ADCY4: variants seen among roughly 807,000 people sequenced by gnomAD.
The protein encoded by ADCY4 is adenylate cyclase type 4.
In ADCY4, 111 loss-of-function variants were observed where a neutral mutation model predicts 125.5. The observed-to-expected ratio is 0.88, with a 90% CI of 0.76 to 1.04. ADCY4 has a LOEUF of 1.04. Among genes scored for constraint, ADCY4 ranks in the 50% least tolerant of loss-of-function variants. The pLI is 0.00. For missense variants in ADCY4, 1,256 were observed against 1,382.9 expected (o/e 0.91, Z 1.46); for synonymous variants, 576 against 586.9 (o/e 0.98, Z 0.27).
intron 4 of ADCY4, chr14:24,331,572 C>A: frequency 1.1e-6 from 1 of 882,468 alleles, no homozygotes; most frequent in Non-Finnish European, 1.7e-6. Context: ...AATGGGAGTT[C>A]ACTTAATATC....
rs375351449 is a variant in ADCY4 at position 24,334,530 on chromosome 14, G to A, written c.123C>T (p.Leu41=). ...LLLLGIVLCA[L]AALLAVAWAS... ...CCCAGGCCACTGCGAGCAGCGCCGCGAGCGCACAGAGCACGATCCCCAGCA... is the reference window on the plus strand; with the variant it reads ...CCCAGGCCACTGCGAGCAGCGCCGCAAGCGCACAGAGCACGATCCCCAGCA... The change falls in exon 1 of 25, where the codon CTC becomes CTT. Residue 41 remains leucine (L), a synonymous_variant. Transcript: ENST00000418030. 3.9e-4 allele frequency: 614 copies of A among 1,582,862 alleles called. 5 individuals are homozygous for A. Among genetic ancestry groups the A allele is most frequent in the Admixed American group, 1.1e-3 (62 of 56,468 alleles).
intron 1 of ADCY4, 142 bp downstream of exon 1, chr14:24,334,352 A>G (rs2139231988): frequency 2.9e-6 from 4 of 1,366,780 alleles, no homozygotes; most frequent in Non-Finnish European, 9.6e-7. Context: ...GCCCAGGGTC[A>G]CTGCAGTTCC....
At chr14:24,325,538 A>G (rs2041928772) in intron 13 of ADCY4, 64 bp from the exon 14 acceptor site, 5 of 1,424,224 alleles carry the variant, frequency 3.5e-6, no homozygotes, top group Non-Finnish European at 3.9e-6. Flanking sequence ...TGAAGGCATC[A>G]CTCCCAGGCA....
Position 24,318,484 on chromosome 14 carries a change from G to T in ADCY4, c.3166C>A (p.Gln1056Lys). Residue 1056 changes from glutamine to lysine, a missense_variant, in exon 25 of 25, where the codon CAG becomes AAG. Physicochemically the swap from Gln to Lys is moderately conservative, Grantham distance 53 (BLOSUM62 1). Coordinates refer to ENST00000418030, the MANE Select transcript of ADCY4 (RefSeq NM_001198568.2). ...GTGTTCAGGAAGTAGGTGCAGAGCT[G>T]CCCTTTGCCTTTCACCTTGATGACA... ...RGVIKVKGKGQLCTYFLNTDL... is the reference protein window; with the variant it reads ...RGVIKVKGKGKLCTYFLNTDL... The T allele has an allele frequency of 1.2e-6, 2 of 1,614,220 alleles. No individual in the cohort carries two copies. Among genetic ancestry groups the T allele is most frequent in the Non-Finnish European group, 8.5e-7 (1 of 1,180,028 alleles).
rs374670653 is a variant in ADCY4, at chr14:24,319,917, G to A, written c.2587-29C>T. 5 of 1,610,096 alleles carry A rather than the reference G, an allele frequency of 3.1e-6. No homozygotes were observed. The highest frequency in any genetic ancestry group is 1.7e-5 in the Admixed American group (1 of 59,800). On this transcript the variant is annotated intron_variant, in intron 20 of 24. Coordinates refer to ENST00000418030, the MANE Select transcript of ADCY4 (RefSeq NM_001198568.2). The surrounding 1 kb of genome is among the most constrained non-coding windows in gnomAD (Gnocchi z 4.5). ...GGGGAACAGGAGACTGGAGTGAGGGGTGTGTGTCATGTTCCTCTCCCTTCT... is the reference window on the plus strand; with the variant it reads ...GGGGAACAGGAGACTGGAGTGAGGGATGTGTGTCATGTTCCTCTCCCTTCT...
chr14:24,332,464 G>T, intron 3 of ADCY4, 58 bp downstream of exon 3: 3 of 1,520,084 alleles, frequency 2.0e-6, no homozygotes, highest in African/African-American at 1.4e-5. Flanking sequence ...CCTAAAAGGA[G>T]CCTACTAGCA....
In ADCY4 at chr14:24,334,491, C is replaced by T. The variant is rs758392682; in HGVS notation, c.159+3G>A. On this transcript the variant is annotated splice_donor_region_variant and intron_variant, in intron 1 of 24. Transcript: ENST00000418030. Reference sequence around the variant, plus strand: ...ACCCTCCCGCAGCAGAGGCTCGGCTCACCCTGCCGCTGGCCCAGGCCACTG... The same window carrying T: ...ACCCTCCCGCAGCAGAGGCTCGGCTTACCCTGCCGCTGGCCCAGGCCACTG... 1 of 1,574,312 alleles carries T rather than the reference C, an allele frequency of 6.4e-7. No homozygotes were observed. The highest frequency in any genetic ancestry group is 1.1e-5 in the South Asian group (1 of 87,136).
In ADCY4 at chr14:24,318,482, C is replaced by T. The variant is rs754205735; in HGVS notation, c.3168G>A (p.Gln1056=). The change falls in exon 25 of 25, where the codon CAG becomes CAA. Residue 1056 remains glutamine (Q), a synonymous_variant. Coordinates refer to ENST00000418030, the MANE Select transcript of ADCY4 (RefSeq NM_001198568.2). ...CTGTGTTCAGGAAGTAGGTGCAGAG[C>T]TGCCCTTTGCCTTTCACCTTGATGA... ...RGVIKVKGKG[Q]LCTYFLNTDL... The T allele has an allele frequency of 6.2e-7, 1 of 1,614,208 alleles. No homozygotes were observed. The highest frequency in any genetic ancestry group is 2.2e-5 in the East Asian group (1 of 44,886).
At position 24,326,338 on chromosome 14, in the gene ADCY4, T is replaced by C; in HGVS notation, c.1529A>G (p.Lys510Arg). The C allele has an allele frequency of 1.2e-6, 2 of 1,613,440 alleles. No individual in the cohort carries two copies. Among genetic ancestry groups the C allele is most frequent in the South Asian group, 2.2e-5 (2 of 91,048 alleles). ...PVSTSTPLPEKTLASFSTQWS... is the reference protein window; with the variant it reads ...PVSTSTPLPERTLASFSTQWS... ...CTGGGTGCTGAAGGAAGCCAGGGTC[T>C]TCTCCTGTTGGGAGAGCACAGGGGG... The change falls in exon 11 of 25, where the codon AAG (lysine) becomes AGG (arginine). Residue 510 changes from lysine (K) to arginine (R), a missense_variant. Physicochemically the swap from Lys to Arg is conservative, Grantham distance 26. Coordinates refer to ENST00000418030, the MANE Select transcript of ADCY4 (RefSeq NM_001198568.2).
Position 24,319,725 on chromosome 14 carries a change from ACT to A in ADCY4, c.2733+15_2733+16del. 6.2e-7 allele frequency: 1 copy of A among 1,613,548 alleles called. No homozygotes were observed. The highest frequency in any genetic ancestry group is 8.5e-7 in the Non-Finnish European group (1 of 1,179,894). ...GAATCTAGGACATAGGGTCTGGGAG[ACT>A]CTTGGAATTTTCACCTCATCAAAAT... is the stretch of plus-strand genomic sequence containing the variant. On this transcript the variant is annotated intron_variant, in intron 21 of 24. Coordinates refer to ENST00000418030, the MANE Select transcript of ADCY4 (RefSeq NM_001198568.2). The surrounding 1 kb of genome is among the most constrained non-coding windows in gnomAD (Gnocchi z 4.5).
rs74387312 is a variant in ADCY4, at chr14:24,322,926, A to G, written c.2320T>C (p.Tyr774His). The change falls in exon 18 of 25, where the codon TAT (tyrosine) becomes CAT (histidine). Residue 774 changes from tyrosine (Y) to histidine (H), a missense_variant. By Grantham distance (83) the Tyr-to-His change is moderately conservative. Transcript: ENST00000418030. Reference protein sequence around the residue: ...WLSECLIVRLYLGPLDSRPGV... With the variant: ...WLSECLIVRLHLGPLDSRPGV... ...CACCTGGAGTCCAAGGGGCCCAGATAGAGGCGGACGATGAGGCATTCCGAC... is the reference window on the plus strand; with the variant it reads ...CACCTGGAGTCCAAGGGGCCCAGATGGAGGCGGACGATGAGGCATTCCGAC... 1.2e-3 allele frequency: 1,903 copies of G among 1,606,816 alleles called. 1 individual carries two copies. Among genetic ancestry groups the G allele is most frequent in the Non-Finnish European group, 1.5e-3 (1,785 of 1,176,806 alleles).
At chr14:24,332,307 C>G (rs1259689946) in intron 3 of ADCY4, 1 of 518,140 alleles carries the variant, frequency 1.9e-6, no homozygotes, top group African/African-American at 2.0e-5. Context: ...GGGTAAACCA[C>G]GACACGACTC....
At chr14:24,326,608 T>A in intron 10 of ADCY4, 1 of 417,396 alleles carries the variant, frequency 2.4e-6, no homozygotes, top group African/African-American at 2.0e-5. Flanking sequence ...TGTGTGTGTG[T>A]GTGTGTGACT....
At chr14:24,323,587 T>C in intron 16 of ADCY4, 133 bp from the exon 17 acceptor site, 1 of 1,463,516 alleles carries the variant, frequency 6.8e-7, no homozygotes, top group Non-Finnish European at 9.0e-7. Flanking sequence ...CTATTTCTGG[T>C]TGGGAAGGGA....
intron 3 of ADCY4, 50 bp from the exon 4 acceptor site, chr14:24,331,987 T>C: frequency 1.4e-6 from 2 of 1,477,018 alleles, no homozygotes; most frequent in Non-Finnish European, 1.8e-6. Flanking sequence ...GTGCTTGTCG[T>C]GTGTAGTTGG....
Position 24,322,399 on chromosome 14 carries a change from G to A in ADCY4, c.2428-175C>T, listed in dbSNP as rs957244034. 7 of 883,138 alleles carry A rather than the reference G, an allele frequency of 7.9e-6. No individual in the cohort carries two copies. In the East Asian group the frequency reaches 1.9e-4, roughly 24 times the overall value. The allele number at this position is 883,138 out of a possible 1,614,324, so 54.7% of individuals were successfully genotyped here. On this transcript the variant is annotated intron_variant, in intron 19 of 24. Transcript: ENST00000418030. ...GAGACTATCCTTGAAATTAGATTCA[G>A]ACTAGGGATAGAGAATTGGCAGCAG...
intron 15 of ADCY4, 41 bp downstream of exon 15, chr14:24,324,266 A>T (rs1049843193): frequency 1.9e-6 from 3 of 1,614,102 alleles, no homozygotes; most frequent in Non-Finnish European, 2.5e-6. Flanking sequence ...GGTTGTGACC[A>T]GGGCTCCGGC....
At position 24,331,816 on chromosome 14, in the gene ADCY4, C is replaced by T. The variant is rs772940512; in HGVS notation, c.641G>A (p.Arg214Gln). Residue 214 changes from arginine (R) to glutamine (Q), a missense_variant, in exon 4 of 25, where the codon CGG becomes CAG. Physicochemically the swap from Arg to Gln is conservative, Grantham distance 43. Coordinates refer to ENST00000418030, the MANE Select transcript of ADCY4 (RefSeq NM_001198568.2). ...REALSSLHSR[R>Q]RLDTEKKHQE... ...GTGCTTCTTCTCGGTGTCCAGCCGC[C>T]GGCGTGAGTGCAGGGAGCTGAGTGC... The T allele has an allele frequency of 1.9e-6, 3 of 1,594,042 alleles. No individual in the cohort carries two copies. Among genetic ancestry groups the T allele is most frequent in the Non-Finnish European group, 1.7e-6 (2 of 1,165,992 alleles).
intron 2 of ADCY4, 26 bp downstream of exon 2, chr14:24,332,765 G>GCTGCC: frequency 2.6e-6 from 4 of 1,532,106 alleles, no homozygotes; most frequent in Non-Finnish European, 3.5e-6. Flanking sequence ...GGCCGTCCCC[G>GCTGCC]CTGCCCCGCC....
Sources: gnomAD v4.1 joint callset for allele counts on GRCh38, gnomAD v4.1.1 for gene constraint, Gnocchi (gnomAD v3.1) non-coding constraint, MANE v1.5 for transcripts, NCBI Gene and HGNC (gene_info 2026-07-23, HGNC 2026-07-21) for gene names.